The following SF3B3 variants were observed in gnomAD, a reference collection of about 807,000 sequenced individuals.
The protein encoded by SF3B3 is splicing factor 3b subunit 3, also known as SAP 130.
SF3B3 carries 33 observed loss-of-function variants against 139.2 expected under a neutral mutation model. The ratio of observed to expected loss-of-function variants is 0.24; its 90% CI spans 0.18 to 0.32. SF3B3 has a LOEUF of 0.32. Ranked by LOEUF, SF3B3 falls within the 10% of genes least tolerant of loss-of-function variation. SF3B3 has a pLI of 1.00. For missense variants in SF3B3, 818 were observed against 1,509.4 expected (o/e 0.54, Z 7.59); for synonymous variants, 596 against 563.6 (o/e 1.06, Z -0.81).
Position 70,565,073 on chromosome 16 carries a change from G to A in SF3B3, c.2472G>A (p.Val824=), listed in dbSNP as rs1480647698. The A allele has an allele frequency of 6.2e-7, 1 of 1,613,360 alleles. No homozygotes were observed. The highest frequency in any genetic ancestry group is 1.1e-5 in the South Asian group (1 of 91,052). The change falls in exon 19 of 26, where the codon GTG becomes GTA. Residue 824 remains valine (V), a synonymous_variant. Coordinates refer to ENST00000302516, the MANE Select transcript of SF3B3 (RefSeq NM_012426.5). ...QRKQQMAEEM[V]EAAGEDEREL... is the part of the protein sequence containing the mutation. ...CGTTTTTTTGGGTTTAGGAAATGGT[G>A]GAAGCAGCAGGGGAGGATGAGCGGG...
chr16:70,543,638 A>G (rs1290617251), intron 9 of SF3B3, among the ~76,000 whole-genome samples: 2 of 151,966 alleles, frequency 1.3e-5, no homozygotes, highest in Admixed American at 6.6e-5. Context: ...AACCCAGGAG[A>G]TGGAGGTTGC....
At chr16:70,564,960 T>C in intron 18 of SF3B3, 105 bp from the exon 19 acceptor site, 1 of 1,014,912 alleles carries the variant, frequency 9.9e-7, no homozygotes, top group East Asian at 2.4e-5. Context: ...ACTTTGCTGC[T>C]TTATGTATTG....
intron 5 of SF3B3, among the ~76,000 whole-genome samples, 181 bp from the exon 6 acceptor site, chr16:70,535,127 A>G (rs1259045380): frequency 1.3e-5 from 2 of 152,226 alleles, no homozygotes; most frequent in African/African-American, 4.8e-5. Context: ...CCTTCCATGT[A>G]AACACAAACT....
chr16:70,554,930 TG>T, intron 12 of SF3B3, 120 bp from the exon 13 acceptor site: 2 of 896,458 alleles, frequency 2.2e-6, no homozygotes, highest in Non-Finnish European at 3.4e-6. Flanking sequence ...TTGATTCAAC[TG>T]GTGCCTCAAA....
intron 5 of SF3B3, among the ~76,000 whole-genome samples, chr16:70,533,047 G>A (rs2050135924): frequency 6.6e-6 from 1 of 152,196 alleles, no homozygotes; most frequent in Admixed American, 6.5e-5. Flanking sequence ...TTACCAGATT[G>A]ATCCAAAAAT....
intron 11 of SF3B3, chr16:70,550,335 T>C: frequency 6.6e-6 from 1 of 150,726 alleles, no homozygotes; most frequent in East Asian, 1.9e-4. Flanking sequence ...GGGACAGCAT[T>C]TGCTAACTTA....
rs2050096849 is a variant in SF3B3, at chr16:70,529,202, A to T, written c.397+3A>T. The T allele has an allele frequency of 6.2e-7, 1 of 1,610,962 alleles. No homozygotes were observed. The highest frequency in any genetic ancestry group is 1.3e-5 in the African/African-American group (1 of 74,888). On this transcript the variant is annotated splice_donor_region_variant and intron_variant, in intron 3 of 25. Transcript: ENST00000302516. ...CAAAGGGCGAGCCGTTATGATTAGT[A>T]AGTGATTTACTCTACTTGCTGTATA...
intron 3 of SF3B3, 116 bp from the exon 4 acceptor site, chr16:70,530,629 A>G: frequency 3.4e-6 from 3 of 882,896 alleles, no homozygotes. Flanking sequence ...TTATACTTGT[A>G]GAGTTACTGC....
At chr16:70,532,824 CAT>C (rs1174537687) in intron 5 of SF3B3, among the ~76,000 whole-genome samples, 5 of 152,170 alleles carry the variant, frequency 3.3e-5, no homozygotes, top group African/African-American at 9.7e-5. Context: ...CTTAATAACT[CAT>C]ATTCTACTGA....
intron 22 of SF3B3, among the ~76,000 whole-genome samples, 166 bp from the exon 23 acceptor site, chr16:70,568,877 A>G (rs1400088886): frequency 3.3e-5 from 5 of 152,206 alleles, no homozygotes; most frequent in African/African-American, 4.8e-5. Flanking sequence ...TGCTCCTCAG[A>G]CACAGCTCCT....
In SF3B3 at chr16:70,532,119, C is replaced by G. The variant is rs566585422; in HGVS notation, c.571-360C>G. 2.8e-4 allele frequency among the ~76,000 whole-genome samples: 42 copies of G among 152,148 alleles called. 1 individual carries two copies. The South Asian group carries it at 8.3e-3, about 30-fold the overall frequency. ...ACCAGCCTGACCAACATGGAGAAAC[C>G]CCATCTCTACTAAAAATACAAAATT... is the stretch of plus-strand genomic sequence containing the variant. On this transcript the variant is annotated intron_variant, in intron 4 of 25. Coordinates refer to ENST00000302516, the MANE Select transcript of SF3B3 (RefSeq NM_012426.5).
At chr16:70,571,576 AAT>A in intron 25 of SF3B3, 95 bp from the exon 26 acceptor site, 2 of 1,376,314 alleles carry the variant, frequency 1.5e-6, no homozygotes, top group Non-Finnish European at 2.0e-6. Flanking sequence ...AAAACTAAAA[AAT>A]AAAAACAGCT....
rs538606241 is a variant in SF3B3 at position 70,563,735 on chromosome 16, G to A, written c.2289-141G>A. Reference sequence around the variant, plus strand: ...CTGCATCGCAGAGTTTTCTAGAGTAGGAGGCTGTTGTTTAATGTTGCCTAA... The same window carrying A: ...CTGCATCGCAGAGTTTTCTAGAGTAAGAGGCTGTTGTTTAATGTTGCCTAA... On this transcript the variant is annotated intron_variant, in intron 17 of 25. Transcript: ENST00000302516. The A allele has an allele frequency of 9.8e-6, 7 of 712,218 alleles. No individual in the cohort carries two copies. In the Admixed American group the frequency reaches 1.1e-4, roughly 11 times the overall value. 44.1% of individuals were successfully genotyped at this position (712,218 alleles called of 1,614,324 possible). A position where few individuals can be genotyped will look rare whatever the true frequency, so the allele number is the denominator to read the frequency against.
chr16:70,554,020 C>T (rs1034378053), intron 11 of SF3B3: 6 of 155,096 alleles, frequency 3.9e-5, no homozygotes, highest in African/African-American at 1.4e-4. Flanking sequence ...TTCATTTCTA[C>T]ATAAGCTGCT....
chr16:70,561,791 G>A lies in SF3B3; in HGVS notation c.2288+7G>A, dbSNP rs1414772824. On this transcript the variant is annotated splice_region_variant and intron_variant, in intron 17 of 25. Coordinates refer to ENST00000302516, the MANE Select transcript of SF3B3 (RefSeq NM_012426.5). Reference sequence around the variant, plus strand: ...TCTCCACCAACACCCTACGGTGAGTGAGTCTCATGTTTGAAGCTCAGCAGG... The same window carrying A: ...TCTCCACCAACACCCTACGGTGAGTAAGTCTCATGTTTGAAGCTCAGCAGG... The A allele has an allele frequency of 1.2e-6, 2 of 1,612,818 alleles. No homozygotes were observed. The highest frequency in any genetic ancestry group is 8.5e-7 in the Non-Finnish European group (1 of 1,179,042).
intron 24 of SF3B3, among the ~76,000 whole-genome samples, chr16:70,570,572 C>T (rs973345207): frequency 3.9e-5 from 6 of 152,090 alleles, no homozygotes; most frequent in African/African-American, 7.2e-5. Flanking sequence ...CCTTGTGATC[C>T]GCCTGCCTCA....
At chr16:70,537,605 T>C (rs1567412343) in intron 6 of SF3B3, among the ~76,000 whole-genome samples, 1 of 152,352 alleles carries the variant, frequency 6.6e-6, no homozygotes, top group East Asian at 1.9e-4. Flanking sequence ...TAGAAAACCT[T>C]AGAAGAAATT....
rs758213667 is a variant in SF3B3, at chr16:70,571,759, C to T, written c.3600C>T (p.Thr1200=). 2.5e-6 allele frequency: 4 copies of T among 1,613,976 alleles called. No homozygotes were observed. Among genetic ancestry groups the T allele is most frequent in the South Asian group, 1.1e-5 (1 of 91,074 alleles). Residue 1200 remains threonine (T), a synonymous_variant, in exon 26 of 26, where the codon ACC becomes ACT. Coordinates refer to ENST00000302516, the MANE Select transcript of SF3B3 (RefSeq NM_012426.5). Reference sequence around the variant, plus strand: ...ACGTCTCTGAAGAACTGGACCGAACCCCACCCGAAGTGTCCAAGAAACTCG... The same window carrying T: ...ACGTCTCTGAAGAACTGGACCGAACTCCACCCGAAGTGTCCAAGAAACTCG... The part of the protein sequence containing the change: ...QKNVSEELDR[T]PPEVSKKLED...
At position 70,529,212 on chromosome 16, in the gene SF3B3, C is replaced by G. The variant is rs1192095400; in HGVS notation, c.397+13C>G. ...GCCGTTATGATTAGTAAGTGATTTACTCTACTTGCTGTATATGCCTAGTTT... is the reference window on the plus strand; with the variant it reads ...GCCGTTATGATTAGTAAGTGATTTAGTCTACTTGCTGTATATGCCTAGTTT... On this transcript the variant is annotated intron_variant, in intron 3 of 25. Coordinates refer to ENST00000302516, the MANE Select transcript of SF3B3 (RefSeq NM_012426.5). The G allele has an allele frequency of 6.3e-7, 1 of 1,599,436 alleles. No individual in the cohort carries two copies. Among genetic ancestry groups the G allele is most frequent in the Admixed American group, 1.7e-5 (1 of 59,724 alleles).
Sources: gnomAD v4.1 joint callset for allele counts (sites outside exome capture counted in the v4.1 genomes callset) on GRCh38, gnomAD v4.1.1 for gene constraint, MANE v1.5 for transcripts, NCBI Gene and HGNC (gene_info 2026-07-23, HGNC 2026-07-21) for gene names.